The following C8orf34 variants were observed in gnomAD, a reference collection of about 807,000 sequenced individuals.
C8orf34 encodes the protein uncharacterized protein C8orf34.
C8orf34 carries 65 observed loss-of-function variants against 68.3 expected under a neutral mutation model. That is an observed-to-expected ratio of 0.95 (90% CI 0.78 to 1.17). The LOEUF is 1.17. Among genes scored for constraint, C8orf34 ranks in the 50% most tolerant of loss-of-function variants. The pLI, the probability that C8orf34 is intolerant of heterozygous loss-of-function variation, is 0.00. For missense variants in C8orf34, 664 were observed against 655.4 expected (o/e 1.01, Z -0.14); for synonymous variants, 244 against 241.2 (o/e 1.01, Z -0.11).
chr8:68,495,310 G>C (rs1191424328), intron 5 of C8orf34, among the ~76,000 whole-genome samples: 1 of 151,492 alleles, frequency 6.6e-6, no homozygotes, highest in Non-Finnish European at 1.5e-5. Context: ...GTACTATTTA[G>C]TGCATACTAA....
chr8:68,786,809 G>A (rs570453471), intron 11 of C8orf34, among the ~76,000 whole-genome samples: 8 of 152,292 alleles, frequency 5.3e-5, no homozygotes, highest in Middle Eastern at 3.4e-3. Flanking sequence ...CTTAAAAAGC[G>A]TGCTCTGGCA....
chr8:68,701,795 C>G (rs1268465893), intron 8 of C8orf34, among the ~76,000 whole-genome samples: 1 of 152,080 alleles, frequency 6.6e-6, no homozygotes, highest in African/African-American at 2.4e-5. Context: ...AGCTATCACA[C>G]TGATGGCATA....
Position 68,460,819 on chromosome 8 carries a change from T to G in C8orf34, c.608-7873T>G, listed in dbSNP as rs539648096. Reference sequence around the variant, plus strand: ...CATCACCATCATCAAAGACCAAAAGTAGATAAAACCACAAAGATGGGGAAA... The same window carrying G: ...CATCACCATCATCAAAGACCAAAAGGAGATAAAACCACAAAGATGGGGAAA... On this transcript the variant is annotated intron_variant, in intron 3 of 13. Coordinates refer to ENST00000518698, the MANE Select transcript of C8orf34 (RefSeq NM_052958.4). Among the ~76,000 whole-genome samples the G allele has an allele frequency of 2.2e-3, 326 of 150,974 alleles. 1 individual carries two copies. Among genetic ancestry groups the G allele is most frequent in the African/African-American group, 7.2e-3 (293 of 40,782 alleles).
chr8:68,606,247 TTA>T (rs541351218), intron 7 of C8orf34, among the ~76,000 whole-genome samples: 2 of 152,118 alleles, frequency 1.3e-5, no homozygotes, highest in Non-Finnish European at 2.9e-5. Flanking sequence ...GTAACATGGC[TTA>T]TATTAATATT....
rs945429155 is a variant in C8orf34, at chr8:68,540,792, A to C, written c.1105+7643A>C. ...AGGAGGCGGAGGTTGCAGTGAGCCAAGATCACGCCACTGCACTCCAGCCTG... is the reference window on the plus strand; with the variant it reads ...AGGAGGCGGAGGTTGCAGTGAGCCACGATCACGCCACTGCACTCCAGCCTG... On this transcript the variant is annotated intron_variant, in intron 7 of 13. Transcript: ENST00000518698. Among the ~76,000 whole-genome samples, 7 of 152,314 alleles carry C rather than the reference A, an allele frequency of 4.6e-5. No homozygotes were observed. The East Asian group carries it at 1.4e-3, about 29-fold the overall frequency.
intron 1 of C8orf34, among the ~76,000 whole-genome samples, chr8:68,421,079 G>A (rs1377339403): frequency 6.6e-6 from 1 of 151,864 alleles, no homozygotes; most frequent in African/African-American, 2.4e-5. Flanking sequence ...CCATAAGTAA[G>A]GAACTTAAAA....
At chr8:68,635,486 C>A (rs377291704) in intron 7 of C8orf34, among the ~76,000 whole-genome samples, 2 of 152,144 alleles carry the variant, frequency 1.3e-5, no homozygotes, top group Non-Finnish European at 2.9e-5. Context: ...TAATTCATAA[C>A]AAAATGGCCC....
rs1195672307 is a variant in C8orf34 at position 68,331,256 on chromosome 8, T to C, written c.244T>C (p.Ser82Pro). 1.3e-6 allele frequency: 2 copies of C among 1,536,332 alleles called. No homozygotes were observed. Among genetic ancestry groups the C allele is most frequent in the East Asian group, 4.9e-5 (2 of 40,884 alleles). Residue 82 changes from serine (S) to proline (P), a missense_variant, in exon 1 of 14, where the codon TCC becomes CCC. Transcript: ENST00000518698. ...CGTTCTCCCTGCACTCTCTTCGCGGTCCCATCTGTTCCCCATGGCGTCTCA... is the reference window on the plus strand; with the variant it reads ...CGTTCTCCCTGCACTCTCTTCGCGGCCCCATCTGTTCCCCATGGCGTCTCA... ...PRVLPALSSR[S>P]HLFPMASHPQ... is the part of the protein sequence containing the mutation.
intron 1 of C8orf34, among the ~76,000 whole-genome samples, chr8:68,423,192 TC>T (rs1289076430): frequency 6.6e-6 from 1 of 152,156 alleles, no homozygotes; most frequent in Non-Finnish European, 1.5e-5. Flanking sequence ...AATGAGTTTT[TC>T]CCTTCTATCA....
intron 7 of C8orf34, among the ~76,000 whole-genome samples, chr8:68,577,481 G>T (rs996508475): frequency 5.3e-5 from 8 of 151,670 alleles, no homozygotes; most frequent in African/African-American, 1.5e-4. Context: ...CTTGGAAATT[G>T]CCAGAATATA....
intron 1 of C8orf34, among the ~76,000 whole-genome samples, chr8:68,381,775 A>T (rs1356862540): frequency 6.7e-6 from 1 of 149,832 alleles, no homozygotes; most frequent in Non-Finnish European, 1.5e-5. Flanking sequence ...GGTATATTAA[A>T]TGGCTTACAA....
chr8:68,441,322 G>T (rs1810901263), intron 2 of C8orf34, among the ~76,000 whole-genome samples: 2 of 152,096 alleles, frequency 1.3e-5, no homozygotes, highest in Admixed American at 6.5e-5. Context: ...TATGGCTGAG[G>T]TCCCTATTTT....
intron 5 of C8orf34, among the ~76,000 whole-genome samples, chr8:68,516,183 A>G (rs758761622): frequency 4.6e-5 from 7 of 152,196 alleles, no homozygotes; most frequent in Non-Finnish European, 8.8e-5. Flanking sequence ...CACATTAATC[A>G]GTGTTGTCTG....
rs758305257 is a variant in C8orf34 at position 68,488,022 on chromosome 8, G to T, written c.737-1G>T. 6.3e-7 allele frequency: 1 copy of T among 1,589,098 alleles called. No individual in the cohort carries two copies. The stretch of plus-strand genomic sequence containing the variant: ...TTTTATAAATCTCTTTTAAATCCCA[G>T]GTATTGCAATTTCAGATGAACTCGA... On this transcript the variant is annotated splice_acceptor_variant, in intron 4 of 13. Coordinates refer to ENST00000518698, the MANE Select transcript of C8orf34 (RefSeq NM_052958.4). LOFTEE classifies it high-confidence loss of function.
chr8:68,412,149 T>A (rs1244612082), intron 1 of C8orf34, among the ~76,000 whole-genome samples: 1 of 152,184 alleles, frequency 6.6e-6, no homozygotes. Flanking sequence ...AAATTCTGTG[T>A]TTATAAATTA....
At chr8:68,701,924 C>A (rs1821029663) in intron 8 of C8orf34, among the ~76,000 whole-genome samples, 1 of 151,962 alleles carries the variant, frequency 6.6e-6, no homozygotes, top group Non-Finnish European at 1.5e-5. Context: ...TAATCCCTCA[C>A]TTCTTCAAGT....
chr8:68,669,468 G>A lies in C8orf34; in HGVS notation c.1241+28957G>A, dbSNP rs573292447. On this transcript the variant is annotated intron_variant, in intron 8 of 13. Transcript: ENST00000518698. ...TTTTTATGTACCCATTTACTTATTC[G>A]TATTCTACTTTATTTCAAAAGGAGA... Among the ~76,000 whole-genome samples the A allele has an allele frequency of 1.8e-4, 28 of 152,210 alleles. 1 individual carries two copies. In the South Asian group the frequency reaches 3.3e-3, roughly 18 times the overall value.
intron 1 of C8orf34, among the ~76,000 whole-genome samples, chr8:68,434,439 A>G (rs775538245): frequency 1.2e-4 from 19 of 152,210 alleles, no homozygotes; most frequent in Middle Eastern, 3.4e-3. Context: ...GCTGACAATT[A>G]TGACTTCCAG....
intron 9 of C8orf34, among the ~76,000 whole-genome samples, chr8:68,709,578 C>A (rs1468136499): frequency 6.6e-6 from 1 of 152,098 alleles, no homozygotes; most frequent in Non-Finnish European, 1.5e-5. Context: ...CCAATTATGT[C>A]AATGTCACTT....
Sources: allele counts gnomAD v4.1 joint callset (sites outside exome capture counted in the v4.1 genomes callset), GRCh38; gene constraint gnomAD v4.1.1; transcripts MANE v1.5; gene names NCBI Gene and HGNC (gene_info 2026-07-23, HGNC 2026-07-21).